The following MFSD2A variants were observed in gnomAD, a reference collection of about 807,000 sequenced individuals.
The protein encoded by MFSD2A is MFSD2 lysolipid transporter A, lysophospholipid, also known as sodium-dependent lysophosphatidylcholine symporter 1.
MFSD2A carries 27 observed loss-of-function variants against 64.7 expected under a neutral mutation model. That is an observed-to-expected ratio of 0.42 (90% CI 0.31 to 0.58). The LOEUF is 0.58. MFSD2A is among the 20% of genes least tolerant of loss of function. The probability of loss-of-function intolerance (pLI) is 0.18; values close to 1 mark genes in which losing one functional copy is unlikely to be tolerated. For missense variants in MFSD2A, 474 were observed against 679.5 expected (o/e 0.70, Z 3.36); for synonymous variants, 258 against 273.4 (o/e 0.94, Z 0.55).
In MFSD2A at chr1:39,968,907, C is replaced by A. The variant is rs772827038; in HGVS notation, c.1529+162C>A. 6.6e-6 allele frequency among the ~76,000 whole-genome samples: 1 copy of A among 152,158 alleles called. No homozygotes were observed. Among genetic ancestry groups the A allele is most frequent in the Non-Finnish European group, 1.5e-5 (1 of 68,028 alleles). On this transcript the variant is annotated intron_variant, in intron 13 of 13. Transcript: ENST00000372811. This position sits in a 1 kb window ranked among gnomAD's most constrained non-coding sequence, Gnocchi z 4.4. ...CAGGCACTGTGTTAAGTGGTCTTAC[C>A]TTTATTCAACAAATACATACTGGCT...
chr1:39,968,406 C>T lies in MFSD2A; in HGVS notation c.1281C>T (p.Phe427=). 1 of 1,614,178 alleles carries T rather than the reference C, an allele frequency of 6.2e-7. No homozygotes were observed. The highest frequency in any genetic ancestry group is 8.5e-7 in the Non-Finnish European group (1 of 1,180,022). Reference sequence around the variant, plus strand: ...ACTTCCATGGAACCGAGCCCATCTTCTTCTCCTTCTATGTCTTCTTCACCA... The same window carrying T: ...ACTTCCATGGAACCGAGCCCATCTTTTTCTCCTTCTATGTCTTCTTCACCA... ...QPHFHGTEPI[F]FSFYVFFTKF... Residue 427 remains phenylalanine, a synonymous_variant, in exon 12 of 14, where the codon TTC becomes TTT. Transcript: ENST00000372811. This position sits in a 1 kb window ranked among gnomAD's most constrained non-coding sequence, Gnocchi z 4.4.
At chr1:39,962,362 A>G (rs1645062037) in intron 3 of MFSD2A, among the ~76,000 whole-genome samples, 1 of 152,026 alleles carries the variant, frequency 6.6e-6, no homozygotes, top group Non-Finnish European at 1.5e-5. Context: ...TACCCTGTCC[A>G]CCCATTTGTG....
chr1:39,955,498 A>G lies in MFSD2A; in HGVS notation c.93+113A>G, dbSNP rs1644906064. ...GGGGACCATTGGGATAGCCAGGGAC[A>G]GGAAGCCTACGAGCCAGAGAGGACC... On this transcript the variant is annotated intron_variant, in intron 1 of 13. Transcript: ENST00000372811. This position sits in a 1 kb window ranked among gnomAD's most constrained non-coding sequence, Gnocchi z 5.9. 4.3e-6 allele frequency: 5 copies of G among 1,164,794 alleles called. No individual in the cohort carries two copies. The highest frequency in any genetic ancestry group is 3.7e-6 in the Non-Finnish European group (3 of 807,586). 72.2% of individuals were successfully genotyped at this position (1,164,794 alleles called of 1,614,324 possible).
At chr1:39,962,739 A>C in intron 3 of MFSD2A, 2 of 858,522 alleles carry the variant, frequency 2.3e-6, no homozygotes, top group South Asian at 2.8e-5. Context: ...GCCTGTCACC[A>C]AGCTGGGCCG....
At position 39,969,560 on chromosome 1, in the gene MFSD2A, A is replaced by G; in HGVS notation, c.1585A>G (p.Ile529Val). 4 of 1,608,448 alleles carry G rather than the reference A, an allele frequency of 2.5e-6. No individual in the cohort carries two copies. Among genetic ancestry groups the G allele is most frequent in the Non-Finnish European group, 1.7e-6 (2 of 1,177,600 alleles). Residue 529 changes from isoleucine (I) to valine (V), a missense_variant, in exon 14 of 14, where the codon ATC becomes GTC. Physicochemically the swap from Ile to Val is conservative, Grantham distance 29. Transcript: ENST00000372811. ...AACAGACTCCACAGAGCTGGCTAGC[A>G]TCCTCTAGGGCCCGCCACGTTGCCC... ...SETDSTELAS[I>V]L
chr1:39,956,140 A>C (rs1192442724), intron 1 of MFSD2A, among the ~76,000 whole-genome samples: 1 of 152,188 alleles, frequency 6.6e-6, no homozygotes, highest in African/African-American at 2.4e-5. Flanking sequence ...CAACCTCCCT[A>C]GTGCCCCACC....
chr1:39,965,384 G>A lies in MFSD2A; in HGVS notation c.477+50G>A, dbSNP rs542497449. 60 of 1,613,374 alleles carry A rather than the reference G, an allele frequency of 3.7e-5. No individual in the cohort carries two copies. Among genetic ancestry groups the A allele is most frequent in the East Asian group, 1.1e-4 (5 of 44,856 alleles). Reference sequence around the variant, plus strand: ...TGTCTCTAGGGGCCGGGAGGAGGGCGGTCCTTGGGGCCCCCAGGGTTGGTA... The same window carrying A: ...TGTCTCTAGGGGCCGGGAGGAGGGCAGTCCTTGGGGCCCCCAGGGTTGGTA... On this transcript the variant is annotated intron_variant, in intron 4 of 13. Transcript: ENST00000372811. The surrounding 1 kb of genome is among the most constrained non-coding windows in gnomAD (Gnocchi z 5.5).
chr1:39,957,557 C>A (rs916018376), intron 2 of MFSD2A, among the ~76,000 whole-genome samples: 13 of 152,320 alleles, frequency 8.5e-5, no homozygotes, highest in Middle Eastern at 3.4e-3. Context: ...GTGTTCCTGG[C>A]TGGGAGATAG....
In MFSD2A at chr1:39,958,866, C is replaced by G; in HGVS notation, c.353+41C>G. 6.5e-7 allele frequency: 1 copy of G among 1,543,506 alleles called. No homozygotes were observed. Among genetic ancestry groups the G allele is most frequent in the Non-Finnish European group, 8.7e-7 (1 of 1,143,488 alleles). Reference sequence around the variant, plus strand: ...CCCTTCGAGGTGGCACAAGGCAGGACTTCCAGCATATCTGCTCCTTGGTCC... The same window carrying G: ...CCCTTCGAGGTGGCACAAGGCAGGAGTTCCAGCATATCTGCTCCTTGGTCC... On this transcript the variant is annotated intron_variant, in intron 3 of 13. Transcript: ENST00000372811. This position sits in a 1 kb window ranked among gnomAD's most constrained non-coding sequence, Gnocchi z 4.7.
chr1:39,966,894 C>A lies in MFSD2A; in HGVS notation c.889C>A (p.Leu297Ile). Reference sequence around the variant, plus strand: ...CATGAGCCACGGCCCATACATCAAACTTATTACTGGCTTCCTCTTCACCTC... The same window carrying A: ...CATGAGCCACGGCCCATACATCAAAATTATTACTGGCTTCCTCTTCACCTC... ...LVMSHGPYIKLITGFLFTSLA... is the reference protein window; with the variant it reads ...LVMSHGPYIKIITGFLFTSLA... The change falls in exon 8 of 14, where the codon CTT becomes ATT. Residue 297 changes from leucine (L) to isoleucine (I), a missense_variant. Leu to Ile is a conservative substitution (Grantham distance 5, BLOSUM62 2). Transcript: ENST00000372811. 1 of 1,613,746 alleles carries A rather than the reference C, an allele frequency of 6.2e-7. No homozygotes were observed. The highest frequency in any genetic ancestry group is 8.5e-7 in the Non-Finnish European group (1 of 1,180,028).
chr1:39,967,455 T>C, intron 9 of MFSD2A, 173 bp from the exon 10 acceptor site: 1 of 667,246 alleles, frequency 1.5e-6, no homozygotes, highest in Non-Finnish European at 2.7e-6. Context: ...CTGGACCAGC[T>C]CTGAGCTCCC....
In MFSD2A at chr1:39,968,578, G is replaced by T; in HGVS notation, c.1362G>T (p.Gly454=). ...GISTLSLDFA[G]YQTRGCSQPE... ...CCCCTGGGTCCCATAGCTTTGCAGG[G>T]TACCAGACCCGTGGCTGCTCGCAGC... The change falls in exon 13 of 14, where the codon GGG becomes GGT. Residue 454 remains glycine, a synonymous_variant. Transcript: ENST00000372811. The surrounding 1 kb of genome is among the most constrained non-coding windows in gnomAD (Gnocchi z 4.4). 1.9e-6 allele frequency: 3 copies of T among 1,614,150 alleles called. No individual in the cohort carries two copies. Among genetic ancestry groups the T allele is most frequent in the Non-Finnish European group, 2.5e-6 (3 of 1,180,024 alleles).
Position 39,967,930 on chromosome 1 carries a change from G to T in MFSD2A, c.1208+14G>T, listed in dbSNP as rs367795592. 3.3e-5 allele frequency: 51 copies of T among 1,543,364 alleles called. No individual in the cohort carries two copies. The highest frequency in any genetic ancestry group is 5.2e-5 in the Admixed American group (3 of 57,826). ...CTTACTACCCTGGTAGGTATATACA[G>T]GCCCCCCTCCTCGGGTATCTCCAGC... On this transcript the variant is annotated intron_variant, in intron 11 of 13. Transcript: ENST00000372811.
At chr1:39,956,023 G>A (rs916353762) in intron 1 of MFSD2A, among the ~76,000 whole-genome samples, 8 of 152,194 alleles carry the variant, frequency 5.3e-5, no homozygotes, top group Admixed American at 2.0e-4. Flanking sequence ...CTTCGTGGGA[G>A]GTGACTGCCT....
chr1:39,969,783 T>C lies in MFSD2A; in HGVS notation c.*215T>C. 1.7e-6 allele frequency: 1 copy of C among 572,654 alleles called. No homozygotes were observed. The highest frequency in any genetic ancestry group is 3.1e-6 in the Non-Finnish European group (1 of 323,968). 35.5% of individuals were successfully genotyped at this position (572,654 alleles called of 1,614,324 possible). A position where few individuals can be genotyped will look rare whatever the true frequency, so the allele number is the denominator to read the frequency against. Reference sequence around the variant, plus strand: ...TGCCTGTGGGGCCAAGCCCTGGGGCTGCCACTGTGAATATGCCAAGGACTG... The same window carrying C: ...TGCCTGTGGGGCCAAGCCCTGGGGCCGCCACTGTGAATATGCCAAGGACTG... On this transcript the variant is annotated 3_prime_UTR_variant, in exon 14 of 14. Transcript: ENST00000372811.
chr1:39,966,786 C>T, intron 7 of MFSD2A, 25 bp from the exon 8 acceptor site: 1 of 1,614,054 alleles, frequency 6.2e-7, no homozygotes, highest in African/African-American at 1.3e-5. Flanking sequence ...TCTGCTCCTT[C>T]CTCACTGTCC....
chr1:39,963,658 C>T lies in MFSD2A; in HGVS notation c.354-1553C>T, dbSNP rs928777811. Among the ~76,000 whole-genome samples the T allele has an allele frequency of 6.6e-6, 1 of 152,158 alleles. No homozygotes were observed. The highest frequency in any genetic ancestry group is 2.4e-5 in the African/African-American group (1 of 41,422). The stretch of plus-strand genomic sequence containing the variant: ...TTTTGTTTTTGGTACAGTAGGGATA[C>T]AAACCTGTCGGTTCTCTAATATTTC... On this transcript the variant is annotated intron_variant, in intron 3 of 13. Transcript: ENST00000372811. The surrounding 1 kb of genome is among the most constrained non-coding windows in gnomAD (Gnocchi z 4.2).
chr1:39,962,553 G>T, intron 3 of MFSD2A: 1 of 600,100 alleles, frequency 1.7e-6, no homozygotes, highest in Non-Finnish European at 2.9e-6. Context: ...CCAAATGGCG[G>T]ATGACACTGG....
Position 39,969,557 on chromosome 1 carries a change from A to G in MFSD2A, c.1582A>G (p.Ser528Gly), listed in dbSNP as rs1474457461. The change falls in exon 14 of 14, where the codon AGC becomes GGC. Residue 528 changes from serine to glycine, a missense_variant. Ser to Gly is a moderately conservative substitution (Grantham distance 56, BLOSUM62 0). Coordinates refer to ENST00000372811, the MANE Select transcript of MFSD2A (RefSeq NM_032793.5). ...AGAAACAGACTCCACAGAGCTGGCT[A>G]GCATCCTCTAGGGCCCGCCACGTTG... Reference protein sequence around the residue: ...CSETDSTELASIL With the variant: ...CSETDSTELAGIL 4 of 1,608,080 alleles carry G rather than the reference A, an allele frequency of 2.5e-6. No individual in the cohort carries two copies. Among genetic ancestry groups the G allele is most frequent in the Non-Finnish European group, 1.7e-6 (2 of 1,177,404 alleles).
Sources: allele counts gnomAD v4.1 joint callset (sites outside exome capture counted in the v4.1 genomes callset), GRCh38; gene constraint gnomAD v4.1.1; non-coding constraint Gnocchi (gnomAD v3.1); transcripts MANE v1.5; gene names NCBI Gene and HGNC (gene_info 2026-07-23, HGNC 2026-07-21).